The following PATJ variants were observed in gnomAD, a reference collection of about 807,000 sequenced individuals.
PATJ encodes PATJ crumbs cell polarity complex component, also known as inaD-like protein.
PATJ carries 190 observed loss-of-function variants against 224.9 expected under a neutral mutation model. The observed-to-expected ratio is 0.84, with a 90% CI of 0.75 to 0.95. The LOEUF is 0.95. Ranked by LOEUF, PATJ falls within the 40% of genes least tolerant of loss-of-function variation. The pLI is 0.00. For missense variants in PATJ, 2,121 were observed against 2,270.3 expected (o/e 0.93, Z 1.34); for synonymous variants, 769 against 820.3 (o/e 0.94, Z 1.07).
chr1:61,961,971 G>GAAAA (rs371746015), intron 27 of PATJ, among the ~76,000 whole-genome samples: 1 of 113,552 alleles, frequency 8.8e-6, no homozygotes, highest in African/African-American at 3.5e-5. Flanking sequence ...CTCCGTCTTA[G>GAAAA]AAAAAAAAAA....
chr1:62,153,236 G>C, intron 42 of PATJ, 122 bp from the exon 43 acceptor site: 1 of 718,856 alleles, frequency 1.4e-6, no homozygotes. Flanking sequence ...AGTTTGATCT[G>C]ATAAACCAAA....
chr1:61,954,928 T>A (rs2149399236), intron 27 of PATJ, among the ~76,000 whole-genome samples: 1 of 152,182 alleles, frequency 6.6e-6, no homozygotes, highest in South Asian at 2.1e-4. Flanking sequence ...TCATTTTTTG[T>A]ATTTTTAGTA....
At chr1:62,118,272 T>C (rs750001407) in intron 37 of PATJ, among the ~76,000 whole-genome samples, 3 of 152,004 alleles carry the variant, frequency 2.0e-5, no homozygotes, top group Non-Finnish European at 4.4e-5. Flanking sequence ...TTCCATGAGT[T>C]AATAGTTAGT....
Position 61,966,963 on chromosome 1 carries a change from C to G in PATJ, c.3671-23205C>G, listed in dbSNP as rs1571555790. ...TGGCGGGTTTTGGCCGGCTTCTTTA[C>G]TGCAAGCTGTTGTATCAGCAAGATC... On this transcript the variant is annotated intron_variant, in intron 27 of 43. Transcript: ENST00000642238. Among the ~76,000 whole-genome samples the G allele has an allele frequency of 2.6e-5, 4 of 152,130 alleles. No homozygotes were observed. The South Asian group carries it at 8.3e-4, about 32-fold the overall frequency.
At chr1:61,980,152 G>A (rs963126129) in intron 27 of PATJ, among the ~76,000 whole-genome samples, 1 of 151,982 alleles carries the variant, frequency 6.6e-6, no homozygotes, top group African/African-American at 2.4e-5. Flanking sequence ...GAGCATAGAG[G>A]CACATGCCTG....
intron 30 of PATJ, among the ~76,000 whole-genome samples, chr1:62,039,660 G>C (rs1340501343): frequency 6.6e-6 from 1 of 152,202 alleles, no homozygotes; most frequent in South Asian, 2.1e-4. Flanking sequence ...TCAAGAAGGG[G>C]GTCTGGTATA....
chr1:61,777,257 TC>T (rs1354404285), intron 7 of PATJ, among the ~76,000 whole-genome samples: 1 of 152,110 alleles, frequency 6.6e-6, no homozygotes, highest in African/African-American at 2.4e-5. Flanking sequence ...GCATGACATT[TC>T]CCTAATACTT....
chr1:61,907,578 C>T (rs960103663), intron 24 of PATJ, among the ~76,000 whole-genome samples: 4 of 152,148 alleles, frequency 2.6e-5, no homozygotes, highest in African/African-American at 9.7e-5. Flanking sequence ...TTCCTTCTAT[C>T]TTAAAAACAT....
At chr1:61,975,455 A>AT (rs113575104) in intron 27 of PATJ, among the ~76,000 whole-genome samples, 1 of 151,712 alleles carries the variant, frequency 6.6e-6, no homozygotes, top group Non-Finnish European at 1.5e-5. Context: ...AGTATTCAGA[A>AT]TTTTTTTTTA....
chr1:61,841,805 T>C (rs2148836967), intron 17 of PATJ, among the ~76,000 whole-genome samples: 1 of 152,274 alleles, frequency 6.6e-6, no homozygotes, highest in Non-Finnish European at 1.5e-5. Flanking sequence ...AGGCTACTTT[T>C]TGCCCATCCC....
At chr1:62,109,136 G>A (rs985783024) in intron 34 of PATJ, among the ~76,000 whole-genome samples, 1 of 151,778 alleles carries the variant, frequency 6.6e-6, no homozygotes, top group Non-Finnish European at 1.5e-5. Flanking sequence ...AATGGCTGAA[G>A]GAGAAGGCGA....
chr1:61,882,976 G>C (rs1039122686), intron 21 of PATJ, among the ~76,000 whole-genome samples: 10 of 151,760 alleles, frequency 6.6e-5, no homozygotes, highest in African/African-American at 2.4e-4. Context: ...TCTTTTTATA[G>C]TGTGTGTGTG....
At chr1:62,141,047 C>T (rs1558226849) in intron 41 of PATJ, among the ~76,000 whole-genome samples, 2 of 151,792 alleles carry the variant, frequency 1.3e-5, no homozygotes, top group Non-Finnish European at 2.9e-5. Flanking sequence ...AGTGAAGTAC[C>T]CCGGAGAGTG....
intron 31 of PATJ, among the ~76,000 whole-genome samples, chr1:62,059,611 C>A (rs1262534012): frequency 3.4e-5 from 5 of 148,422 alleles, no homozygotes; most frequent in Admixed American, 3.3e-4. Context: ...AGCGAGACTC[C>A]ATCTCAAAAA....
chr1:62,068,672 G>A (rs1656890079), intron 31 of PATJ, among the ~76,000 whole-genome samples: 1 of 152,202 alleles, frequency 6.6e-6, no homozygotes, highest in Non-Finnish European at 1.5e-5. Flanking sequence ...GGGATTGTCA[G>A]CTGGACATGT....
chr1:61,748,878 A>G (rs1234532473), intron 1 of PATJ, among the ~76,000 whole-genome samples: 3 of 152,128 alleles, frequency 2.0e-5, no homozygotes, highest in Non-Finnish European at 4.4e-5. Flanking sequence ...TTTGATTGAA[A>G]AGAGATGCTA....
chr1:61,960,927 A>G (rs181766283), intron 27 of PATJ, among the ~76,000 whole-genome samples: 74 of 152,320 alleles, frequency 4.9e-4, no homozygotes, highest in Admixed American at 1.7e-3. Flanking sequence ...AAGGATTGGT[A>G]TCTTGTAAAT....
intron 14 of PATJ, among the ~76,000 whole-genome samples, chr1:61,809,387 CTTTTTTTTT>C (rs747444674): frequency 7.3e-6 from 1 of 137,928 alleles, no homozygotes. Context: ...AATGTATTTT[CTTTTTTTTT>C]TTTTTTTTGA....
At chr1:62,119,078 C>T (rs1664769245) in intron 37 of PATJ, among the ~76,000 whole-genome samples, 3 of 151,678 alleles carry the variant, frequency 2.0e-5, no homozygotes, top group Non-Finnish European at 4.4e-5. Context: ...AAACCTGGGA[C>T]AAAGTATCAA....
Sources: gnomAD v4.1 joint callset for allele counts (sites outside exome capture counted in the v4.1 genomes callset) on GRCh38, gnomAD v4.1.1 for gene constraint, MANE v1.5 for transcripts, NCBI Gene and HGNC (gene_info 2026-07-23, HGNC 2026-07-21) for gene names.